Variants in DMD observed in about 807,000 individuals in gnomAD.
The protein encoded by DMD is mutant dystrophin.
Under a neutral mutation model 330.1 loss-of-function variants are expected in DMD, and 63 were observed. The ratio of observed to expected loss-of-function variants is 0.19; its 90% CI spans 0.16 to 0.24. DMD has a LOEUF of 0.24. Ranked by LOEUF, DMD falls within the 10% of genes least tolerant of loss-of-function variation. The pLI is 1.00. For synonymous variants in DMD, 1,223 were observed against 959.8 expected, an observed-to-expected ratio of 1.27 and a Z score of -5.07; for missense variants, 3,344 against 2,684.1, an observed-to-expected ratio of 1.25 and a Z score of -5.43.
At chrX:31,213,987 T>C (rs548162570) in intron 64 of DMD, among the ~76,000 whole-genome samples, 1 of 112,325 alleles carries the variant, frequency 8.9e-6, no homozygotes. Context: ...GTGAGAGAAC[T>C]TGAACCTAAG....
At chrX:32,172,607 C>T (rs929779983) in intron 44 of DMD, among the ~76,000 whole-genome samples, 2 of 111,279 alleles carry the variant, frequency 1.8e-5, no homozygotes, top group South Asian at 3.8e-4. Flanking sequence ...CCTATGATCC[C>T]ACAGCACCCT....
chrX:32,009,817 G>A lies in DMD; in HGVS notation c.6439-41303C>T, dbSNP rs765776548. On this transcript the variant is annotated intron_variant, in intron 44 of 78. Transcript: ENST00000357033. ...AAAAATGACCCAAATTTATTTGAAA[G>A]GTCACATATATTTATTTTACTTATC... Among the ~76,000 whole-genome samples the A allele has an allele frequency of 4.5e-5, 5 of 111,607 alleles. No individual in the cohort carries two copies. In the East Asian group the frequency reaches 1.4e-3, roughly 32 times the overall value.
intron 9 of DMD, among the ~76,000 whole-genome samples, chrX:32,690,808 G>GA (rs112457007): frequency 0.15 from 16,521 of 110,727 alleles, 2,904 homozygotes; most frequent in African/African-American, 0.5. Context: ...AATGAAATTG[G>GA]TGCTTATCTT....
intron 2 of DMD, among the ~76,000 whole-genome samples, chrX:32,921,441 T>C (rs912190656): frequency 8.9e-6 from 1 of 112,115 alleles, no homozygotes; most frequent in African/African-American, 3.2e-5. Context: ...ACCAATCATA[T>C]TGGCAAAGAT....
intron 37 of DMD, 64 bp from the exon 38 acceptor site, chrX:32,348,592 G>T: frequency 1.0e-6 from 1 of 1,000,531 alleles, no homozygotes; most frequent in Non-Finnish European, 1.4e-6. Flanking sequence ...TAAACCAAAA[G>T]AAATACATTT....
chrX:32,562,580 T>C (rs2051151980), intron 16 of DMD, among the ~76,000 whole-genome samples: 1 of 112,722 alleles, frequency 8.9e-6, no homozygotes, highest in Admixed American at 9.4e-5. Context: ...TTGAAACAAT[T>C]GAGTATATCA....
chrX:32,157,079 T>C (rs1175265436), intron 44 of DMD, among the ~76,000 whole-genome samples: 1 of 112,420 alleles, frequency 8.9e-6, no homozygotes, highest in Non-Finnish European at 1.9e-5. Flanking sequence ...CAGATTATGA[T>C]GTGCTTGTTT....
chrX:32,645,773 G>A (rs1209900559), intron 9 of DMD, among the ~76,000 whole-genome samples: 1 of 112,296 alleles, frequency 8.9e-6, no homozygotes, highest in Non-Finnish European at 1.9e-5. Flanking sequence ...CATTATCTTA[G>A]AAGAACTAAA....
intron 32 of DMD, among the ~76,000 whole-genome samples, chrX:32,388,660 T>C (rs1029877649): frequency 1.4e-4 from 15 of 110,676 alleles, no homozygotes; most frequent in Non-Finnish European, 2.3e-4. Flanking sequence ...TATTATGGAG[T>C]AGATGTAGAA....
chrX:31,769,602 CA>C (rs757982694), intron 51 of DMD, among the ~76,000 whole-genome samples: 10 of 110,463 alleles, frequency 9.1e-5, no homozygotes, highest in African/African-American at 3.3e-4. Context: ...AGCTGATGAG[CA>C]AAAAAAAGTC....
At chrX:32,432,429 G>A (rs894510624) in intron 29 of DMD, among the ~76,000 whole-genome samples, 1 of 111,578 alleles carries the variant, frequency 9.0e-6, no homozygotes, top group Non-Finnish European at 1.9e-5. Flanking sequence ...AGCCTTTAAA[G>A]GTTTACTTAT....
chrX:31,535,734 A>G (rs2073342379), intron 55 of DMD, among the ~76,000 whole-genome samples: 2 of 111,887 alleles, frequency 1.8e-5, no homozygotes, highest in Non-Finnish European at 3.8e-5. Flanking sequence ...CTCACTACCA[A>G]AAGTGTGATG....
intron 11 of DMD, among the ~76,000 whole-genome samples, chrX:32,640,618 A>G (rs2146754585): frequency 9.1e-6 from 1 of 109,737 alleles, no homozygotes; most frequent in Non-Finnish European, 1.9e-5. Context: ...TGTCAAAAGG[A>G]AAAAAAAATA....
At chrX:32,454,326 T>C (rs1286057006) in intron 26 of DMD, among the ~76,000 whole-genome samples, 2 of 111,191 alleles carry the variant, frequency 1.8e-5, no homozygotes, top group South Asian at 3.6e-4. Context: ...TCAAGAATAC[T>C]TTTGCACAGT....
chrX:32,643,725 C>A (rs2059615500), intron 11 of DMD, among the ~76,000 whole-genome samples: 1 of 111,488 alleles, frequency 9.0e-6, no homozygotes, highest in African/African-American at 3.3e-5. Context: ...ATGAGTAACT[C>A]TTTAATATTT....
At chrX:32,362,388 G>A (rs1388913727) in intron 37 of DMD, among the ~76,000 whole-genome samples, 1 of 111,720 alleles carries the variant, frequency 9.0e-6, no homozygotes, top group Non-Finnish European at 1.9e-5. Context: ...ACTGCTTTTG[G>A]CAAAATTTAT....
intron 41 of DMD, among the ~76,000 whole-genome samples, chrX:32,320,909 A>G (rs1031187917): frequency 3.6e-5 from 4 of 111,545 alleles, no homozygotes; most frequent in Non-Finnish European, 7.5e-5. Flanking sequence ...ACTAAATCCA[A>G]ACTAAAATGT....
At chrX:32,190,550 TTATATATA>T (rs753482446) in intron 44 of DMD, among the ~76,000 whole-genome samples, 78 of 62,518 alleles carry the variant, frequency 1.2e-3, no homozygotes, top group African/African-American at 3.3e-3. Context: ...ATTTAAAATT[TTATATATA>T]TATATATATA....
At chrX:32,606,805 C>CA (rs58741349) in intron 12 of DMD, among the ~76,000 whole-genome samples, 13 of 106,118 alleles carry the variant, frequency 1.2e-4, no homozygotes, top group South Asian at 8.3e-4. Context: ...ACTACACAGC[C>CA]TAAGAAAGTA....
Sources: gnomAD v4.1 joint callset for allele counts (sites outside exome capture counted in the v4.1 genomes callset) on GRCh38, gnomAD v4.1.1 for gene constraint, MANE v1.5 for transcripts, NCBI Gene and HGNC (gene_info 2026-07-23, HGNC 2026-07-21) for gene names.